ANKRD13C: variants seen among roughly 807,000 people sequenced by gnomAD.
ANKRD13C encodes the protein ankyrin repeat domain 13C.
A neutral mutation model predicts 65.5 loss-of-function variants in ANKRD13C; 16 were observed. The observed-to-expected ratio is 0.24, with a 90% CI of 0.17 to 0.37. The LOEUF is 0.37. Among genes scored for constraint, ANKRD13C ranks in the 10% least tolerant of loss-of-function variants. The pLI, the probability that ANKRD13C is intolerant of heterozygous loss-of-function variation, is 1.00. For missense variants in ANKRD13C, 503 were observed against 655.9 expected, an observed-to-expected ratio of 0.77 and a Z score of 2.55; for synonymous variants, 235 against 238.7, an observed-to-expected ratio of 0.98 and a Z score of 0.14.
chr1:70,315,775 G>A (rs1681048300), intron 3 of ANKRD13C, among the ~76,000 whole-genome samples: 1 of 152,048 alleles, frequency 6.6e-6, no homozygotes, highest in Non-Finnish European at 1.5e-5. Context: ...AAGGCCTCTT[G>A]GAACAGTAAA....
chr1:70,301,200 T>TAC (rs529004801), intron 6 of ANKRD13C, among the ~76,000 whole-genome samples: 45 of 151,290 alleles, frequency 3.0e-4, no homozygotes, highest in Non-Finnish European at 6.1e-4. Context: ...TATATACACA[T>TAC]ACACACACAC....
chr1:70,328,612 A>G (rs993930819), intron 2 of ANKRD13C, among the ~76,000 whole-genome samples: 3 of 152,206 alleles, frequency 2.0e-5, no homozygotes, highest in African/African-American at 7.2e-5. Flanking sequence ...CAGTGAGCCG[A>G]GACAGCGCCA....
intron 9 of ANKRD13C, among the ~76,000 whole-genome samples, chr1:70,280,594 G>A (rs1349706409): frequency 6.6e-6 from 1 of 152,166 alleles, no homozygotes; most frequent in Non-Finnish European, 1.5e-5. Context: ...CAACTGTGGA[G>A]CCAGAGTGAT....
intron 3 of ANKRD13C, among the ~76,000 whole-genome samples, chr1:70,316,248 T>G (rs1681068127): frequency 6.6e-6 from 1 of 152,176 alleles, no homozygotes; most frequent in Non-Finnish European, 1.5e-5. Flanking sequence ...AGGTCCTCCA[T>G]AGTGTATTTT....
chr1:70,281,576 C>CT (rs955639350), intron 9 of ANKRD13C, among the ~76,000 whole-genome samples: 12 of 149,474 alleles, frequency 8.0e-5, no homozygotes, highest in African/African-American at 1.7e-4. Context: ...CTTGTTTTTA[C>CT]TTTTTTTTTG....
intron 4 of ANKRD13C, among the ~76,000 whole-genome samples, chr1:70,314,572 T>C (rs1160592726): frequency 1.3e-5 from 2 of 152,058 alleles, no homozygotes; most frequent in East Asian, 3.8e-4. Context: ...CCAAAGATTA[T>C]AACTGTTAAG....
At chr1:70,301,131 C>T (rs1558283940) in intron 6 of ANKRD13C, among the ~76,000 whole-genome samples, 1 of 150,402 alleles carries the variant, frequency 6.6e-6, no homozygotes, top group African/African-American at 2.5e-5. Flanking sequence ...AGCTATATTT[C>T]ACTTTTCTGA....
rs200670991 is a variant in ANKRD13C at position 70,306,289 on chromosome 1, C to A, written c.711G>T (p.Val237=). 2.6e-6 allele frequency: 4 copies of A among 1,540,658 alleles called. No individual in the cohort carries two copies. The East Asian group carries it at 9.3e-5, about 36-fold the overall frequency. Reference sequence around the variant, plus strand: ...AAGGCAGAATTCGGGAAAGTAAAGGCACTGTATTTTTAAAAACAAAAGGTA... The same window carrying A: ...AAGGCAGAATTCGGGAAAGTAAAGGAACTGTATTTTTAAAAACAAAAGGTA... ...LELHWDFQSW[V]PLLSRILPSD... Residue 237 remains valine (V), a splice_region_variant and synonymous_variant, in exon 6 of 13, where the codon GTG becomes GTT. Transcript: ENST00000370944.
intron 10 of ANKRD13C, among the ~76,000 whole-genome samples, chr1:70,275,778 T>C (rs926575917): frequency 1.4e-4 from 22 of 151,860 alleles, no homozygotes; most frequent in African/African-American, 7.3e-5. Context: ...CTGGCCAATA[T>C]GGTGAAACCC....
chr1:70,309,715 CAAA>C (rs1165416550), intron 5 of ANKRD13C, among the ~76,000 whole-genome samples: 6 of 138,834 alleles, frequency 4.3e-5, no homozygotes, highest in Middle Eastern at 3.7e-3. Context: ...GACTCCGTCG[CAAA>C]AAAAAAAAAA....
intron 9 of ANKRD13C, among the ~76,000 whole-genome samples, chr1:70,283,231 T>C (rs928161588): frequency 1.3e-5 from 2 of 152,136 alleles, no homozygotes; most frequent in African/African-American, 4.8e-5. Context: ...GCCTCCTCTA[T>C]ACTGATGCCA....
chr1:70,316,816 A>C (rs1028008456), intron 3 of ANKRD13C, among the ~76,000 whole-genome samples: 2 of 152,236 alleles, frequency 1.3e-5, no homozygotes, highest in African/African-American at 4.8e-5. Context: ...GCATAGGAAA[A>C]AATAAGAACA....
chr1:70,285,340 G>A (rs1272419228), intron 9 of ANKRD13C, among the ~76,000 whole-genome samples: 4 of 150,870 alleles, frequency 2.7e-5, no homozygotes, highest in Non-Finnish European at 3.0e-5. Flanking sequence ...TTACAGGCAC[G>A]CACTACCATG....
intron 5 of ANKRD13C, among the ~76,000 whole-genome samples, chr1:70,312,217 C>T (rs1005522088): frequency 2.6e-4 from 40 of 152,072 alleles, no homozygotes; most frequent in East Asian, 1.9e-4. Context: ...TTCTTACTGA[C>T]GAGTTGAAGC....
At chr1:70,267,934 T>C (rs1678704111) in intron 12 of ANKRD13C, among the ~76,000 whole-genome samples, 1 of 152,132 alleles carries the variant, frequency 6.6e-6, no homozygotes, top group South Asian at 2.1e-4. Context: ...AAAATATAAT[T>C]GTAAATAGAA....
chr1:70,314,897 G>C (rs1681009474), intron 4 of ANKRD13C, among the ~76,000 whole-genome samples: 1 of 152,108 alleles, frequency 6.6e-6, no homozygotes, highest in Non-Finnish European at 1.5e-5. Context: ...AGCATACCCA[G>C]CTCTTACCAC....
intron 6 of ANKRD13C, among the ~76,000 whole-genome samples, chr1:70,302,339 T>C (rs965868814): frequency 2.0e-5 from 3 of 152,062 alleles, no homozygotes; most frequent in African/African-American, 4.8e-5. Context: ...TGTTGCTTTA[T>C]AGCTGAATTC....
intron 3 of ANKRD13C, among the ~76,000 whole-genome samples, chr1:70,324,535 G>C (rs1218781556): frequency 1.3e-5 from 2 of 151,846 alleles, no homozygotes; most frequent in Non-Finnish European, 2.9e-5. Flanking sequence ...TAATTAAGCA[G>C]TTGCCAAAAA....
chr1:70,293,512 G>A (rs1679949903), intron 8 of ANKRD13C: 2 of 977,178 alleles, frequency 2.0e-6, no homozygotes, highest in Admixed American at 1.2e-4. Context: ...ACCTGTCAAA[G>A]ATTTAAGAAG....
Sources: gnomAD v4.1 joint callset for allele counts (sites outside exome capture counted in the v4.1 genomes callset) on GRCh38, gnomAD v4.1.1 for gene constraint, MANE v1.5 for transcripts, NCBI Gene and HGNC (gene_info 2026-07-23, HGNC 2026-07-21) for gene names.